ULK4: variants seen among roughly 807,000 people sequenced by gnomAD.
The protein encoded by ULK4 is inactive serine/threonine-protein kinase ULK4.
ULK4 carries 133 observed loss-of-function variants against 160.6 expected under a neutral mutation model. The ratio of observed to expected loss-of-function variants is 0.83; its 90% CI spans 0.72 to 0.96. ULK4 has a LOEUF of 0.96. ULK4 is among the 40% of genes least tolerant of loss of function. The pLI, the probability that ULK4 is intolerant of heterozygous loss-of-function variation, is 0.00. For synonymous variants in ULK4, 534 were observed against 539.8 expected (o/e 0.99, Z 0.15); for missense variants, 1,580 against 1,499.5 (o/e 1.05, Z -0.89).
intron 31 of ULK4, among the ~76,000 whole-genome samples, chr3:41,574,531 CTTTTTTTTTTTTTTTT>C (rs568406782): frequency 3.9e-4 from 36 of 92,166 alleles, no homozygotes; most frequent in South Asian, 1.6e-3. Context: ...CCAGAGTCCT[CTTTTTTTTTTTTTTTT>C]TTTTTTTTTT....
In ULK4 at chr3:41,266,123, C is replaced by T. The variant is rs191401016; in HGVS notation, c.3679-16549G>A. ...AACATCAAAGAGCCCGGATATTCCT[C>T]TCTAAAAGGCTTTGACAGGCTGAGT... On this transcript the variant is annotated intron_variant, in intron 35 of 36. Coordinates refer to ENST00000301831, the MANE Select transcript of ULK4 (RefSeq NM_017886.4). 1.4e-3 allele frequency among the ~76,000 whole-genome samples: 211 copies of T among 152,352 alleles called. 1 individual carries two copies. The highest frequency in any genetic ancestry group is 5.1e-3 in the African/African-American group (210 of 41,582).
chr3:41,501,222 G>A (rs1363509135), intron 32 of ULK4, among the ~76,000 whole-genome samples: 4 of 152,144 alleles, frequency 2.6e-5, no homozygotes, highest in East Asian at 1.9e-4. Flanking sequence ...GGCTGGGCGC[G>A]GTGGCTCATG....
At chr3:41,342,339 C>T (rs969383584) in intron 35 of ULK4, among the ~76,000 whole-genome samples, 7 of 152,166 alleles carry the variant, frequency 4.6e-5, no homozygotes, top group Non-Finnish European at 7.3e-5. Context: ...CTAATGCTTC[C>T]ATCTTGAATT....
chr3:41,593,137 T>C (rs2031465551), intron 31 of ULK4, among the ~76,000 whole-genome samples: 1 of 152,232 alleles, frequency 6.6e-6, no homozygotes, highest in Non-Finnish European at 1.5e-5. Context: ...TGCTGAACTT[T>C]TATTTTTGTT....
intron 35 of ULK4, among the ~76,000 whole-genome samples, chr3:41,341,855 A>G (rs1421043135): frequency 6.6e-6 from 1 of 152,174 alleles, no homozygotes; most frequent in Non-Finnish European, 1.5e-5. Context: ...AATGGCAATA[A>G]TATACTTTAG....
intron 22 of ULK4, among the ~76,000 whole-genome samples, chr3:41,747,283 G>C (rs1470236684): frequency 6.6e-6 from 1 of 151,800 alleles, no homozygotes; most frequent in African/African-American, 2.4e-5. Context: ...AATATATAAA[G>C]AACTCTCGAA....
At chr3:41,721,952 C>A (rs1252174929) in intron 22 of ULK4, among the ~76,000 whole-genome samples, 2 of 152,174 alleles carry the variant, frequency 1.3e-5, no homozygotes, top group East Asian at 3.9e-4. Context: ...AGGGTCAAAT[C>A]TTTTACCTTG....
At chr3:41,834,563 G>A (rs1010127175) in intron 18 of ULK4, among the ~76,000 whole-genome samples, 12 of 152,204 alleles carry the variant, frequency 7.9e-5, no homozygotes, top group Non-Finnish European at 1.8e-4. Context: ...AAAGAATGAA[G>A]AGGACGGATT....
chr3:41,653,520 A>C (rs919157299), intron 30 of ULK4, among the ~76,000 whole-genome samples: 10 of 152,194 alleles, frequency 6.6e-5, no homozygotes, highest in Non-Finnish European at 1.5e-5. Context: ...TAAAATTCAC[A>C]TTTTAAACGA....
rs549542417 is a variant in ULK4, at chr3:41,782,602, A to C, written c.2193+7059T>G. Among the ~76,000 whole-genome samples, 172 of 152,344 alleles carry C rather than the reference A, an allele frequency of 1.1e-3. No individual in the cohort carries two copies. The South Asian group carries it at 0.014, about 12-fold the overall frequency. ...CAGGAACTTAATGAAGCGTTAAATC[A>C]AAGTATTTTTGGCATATGTGAAAGA... On this transcript the variant is annotated intron_variant, in intron 21 of 36. Coordinates refer to ENST00000301831, the MANE Select transcript of ULK4 (RefSeq NM_017886.4).
At chr3:41,304,090 G>A (rs1025208933) in intron 35 of ULK4, among the ~76,000 whole-genome samples, 22 of 151,928 alleles carry the variant, frequency 1.4e-4, no homozygotes, top group Non-Finnish European at 2.9e-4. Flanking sequence ...TGGTCTACAC[G>A]GTGAAACCCC....
intron 35 of ULK4, among the ~76,000 whole-genome samples, chr3:41,365,545 C>T (rs2081238703): frequency 6.6e-6 from 1 of 152,308 alleles, no homozygotes; most frequent in African/African-American, 2.4e-5. Flanking sequence ...CAGGCACATG[C>T]TAAGCACTTT....
intron 32 of ULK4, among the ~76,000 whole-genome samples, chr3:41,500,223 G>T (rs1416468746): frequency 7.1e-6 from 1 of 141,170 alleles, no homozygotes; most frequent in African/African-American, 2.5e-5. Flanking sequence ...CTTCCTTCAG[G>T]GTTTTTTTTT....
intron 18 of ULK4, among the ~76,000 whole-genome samples, chr3:41,822,804 C>G (rs1021167271): frequency 6.8e-5 from 10 of 147,084 alleles, no homozygotes; most frequent in Non-Finnish European, 1.2e-4. Flanking sequence ...TCACTGCAAG[C>G]TCCGCCTCCC....
chr3:41,805,266 A>C (rs1189291112), intron 19 of ULK4, among the ~76,000 whole-genome samples: 1 of 152,178 alleles, frequency 6.6e-6, no homozygotes, highest in Non-Finnish European at 1.5e-5. Context: ...GAGTTCACTC[A>C]TGATTTGGCT....
intron 35 of ULK4, among the ~76,000 whole-genome samples, chr3:41,273,047 G>A (rs1021432360): frequency 4.6e-5 from 7 of 152,128 alleles, no homozygotes; most frequent in African/African-American, 1.7e-4. Flanking sequence ...GGCTTTGATA[G>A]ACTGTATTTT....
rs578067528 is a variant in ULK4 at position 41,924,446 on chromosome 3, C to T, written c.542-4628G>A. On this transcript the variant is annotated intron_variant, in intron 5 of 36. Coordinates refer to ENST00000301831, the MANE Select transcript of ULK4 (RefSeq NM_017886.4). ...CCCTGGCCAAACAGACTAACCTGCC[C>T]TGTCATAGAGACTGTTCTTAGATTA... Among the ~76,000 whole-genome samples the T allele has an allele frequency of 5.3e-5, 8 of 152,322 alleles. No homozygotes were observed. The South Asian group carries it at 1.7e-3, about 32-fold the overall frequency.
intron 35 of ULK4, among the ~76,000 whole-genome samples, chr3:41,305,094 T>C (rs1412908878): frequency 6.6e-6 from 1 of 152,090 alleles, no homozygotes; most frequent in African/African-American, 2.4e-5. Context: ...AGAAAAGAGA[T>C]GTGAATAGGA....
At chr3:41,912,956 C>A in intron 8 of ULK4, 57 bp from the exon 9 acceptor site, 1 of 1,533,914 alleles carries the variant, frequency 6.5e-7, no homozygotes, top group Non-Finnish European at 9.0e-7. Context: ...ATGAAAAATT[C>A]CCAAGACATG....
Sources: allele counts gnomAD v4.1 joint callset (sites outside exome capture counted in the v4.1 genomes callset), GRCh38; gene constraint gnomAD v4.1.1; transcripts MANE v1.5; gene names NCBI Gene and HGNC (gene_info 2026-07-23, HGNC 2026-07-21).